Variants in SCN2A observed in about 807,000 individuals in gnomAD.
SCN2A encodes the protein sodium channel protein type 2 subunit alpha.
A neutral mutation model predicts 188.7 loss-of-function variants in SCN2A; 20 were observed. The observed-to-expected ratio is 0.11, with a 90% CI of 0.07 to 0.15. SCN2A has a LOEUF of 0.15. Ranked by LOEUF, SCN2A falls within the 10% of genes least tolerant of loss-of-function variation. The pLI is 1.00. For missense variants in SCN2A, 1,278 were observed against 2,445.0 expected, an observed-to-expected ratio of 0.52 and a Z score of 10.07; for synonymous variants, 804 against 833.1, an observed-to-expected ratio of 0.97 and a Z score of 0.60.
At chr2:165,272,826 A>G (rs540065404) in intron 1 of SCN2A, 39 of 151,768 alleles carry the variant, frequency 2.6e-4, no homozygotes, top group African/African-American at 8.7e-4. Flanking sequence ...CGCTATACGG[A>G]GTGATAATTA....
chr2:165,293,263 G>A (rs1157599439), intron 1 of SCN2A, among the ~76,000 whole-genome samples: 2 of 152,112 alleles, frequency 1.3e-5, no homozygotes, highest in East Asian at 3.9e-4. Context: ...AGGGTTAATT[G>A]CTATTTAATA....
In SCN2A at chr2:165,239,655, T is replaced by C. The variant is rs1234857070; in HGVS notation, c.-52+15T>C. On this transcript the variant is annotated intron_variant, in intron 1 of 26. Transcript: ENST00000375437. ...CTTTATTTCAGGTAAGCCAGCATGA[T>C]TCTATTTTTGACTTATCCACGGATT... The C allele has an allele frequency of 6.1e-6, 6 of 978,058 alleles. No homozygotes were observed. The highest frequency in any genetic ancestry group is 7.3e-6 in the Non-Finnish European group (6 of 823,248). 60.6% of individuals were successfully genotyped at this position (978,058 alleles called of 1,614,324 possible).
At chr2:165,370,002 G>T in intron 19 of SCN2A, 124 bp from the exon 20 acceptor site, 2 of 768,448 alleles carry the variant, frequency 2.6e-6, no homozygotes, top group Non-Finnish European at 4.3e-6. Context: ...ATTCAGCCAT[G>T]GGAAACATTA....
In SCN2A at chr2:165,269,003, G is replaced by A. The variant is rs552189501; in HGVS notation, c.-51-26770G>A. 14 of 152,078 alleles carry A rather than the reference G, an allele frequency of 9.2e-5. 1 individual carries two copies. The highest frequency in any genetic ancestry group is 9.2e-4 in the Admixed American group (14 of 15,236). The allele number at this position is 152,078 out of a possible 1,614,324, so 9.4% of individuals were successfully genotyped here. ...GGGGCTACTGGGTAGGGCTGTAGGG[G>A]TGGAGGAATGGAAAATGTTGGTCAA... On this transcript the variant is annotated intron_variant, in intron 1 of 26. Transcript: ENST00000375437.
chr2:165,327,939 C>G (rs1327578113), intron 13 of SCN2A: 1 of 152,128 alleles, frequency 6.6e-6, no homozygotes, highest in Non-Finnish European at 1.5e-5. Context: ...CTCCCTATCT[C>G]TTTACAAACC....
At chr2:165,291,035 CTTT>C (rs55979694) in intron 1 of SCN2A, among the ~76,000 whole-genome samples, 11 of 79,944 alleles carry the variant, frequency 1.4e-4, no homozygotes, top group Admixed American at 5.7e-4. Flanking sequence ...TCTTTTCTTT[CTTT>C]TTTTTTTTTT....
chr2:165,370,109 A>T lies in SCN2A; in HGVS notation c.3676-17A>T, dbSNP rs1404708966. ...TGTTTCTGATCATAAAATTTAATAG[A>T]ATTTTTTGACTTACAGGCCTTTGAA... On this transcript the variant is annotated splice_polypyrimidine_tract_variant and intron_variant, in intron 19 of 26. Transcript: ENST00000375437. 1 of 1,609,920 alleles carries T rather than the reference A, an allele frequency of 6.2e-7. No homozygotes were observed. Among genetic ancestry groups the T allele is most frequent in the East Asian group, 2.2e-5 (1 of 44,836 alleles).
At chr2:165,342,224 A>T in intron 14 of SCN2A, 72 bp from the exon 15 acceptor site, 1 of 1,424,010 alleles carries the variant, frequency 7.0e-7, no homozygotes, top group Non-Finnish European at 9.9e-7. Flanking sequence ...GTTGGGAGTA[A>T]ATTAAGTTGC....
intron 16 of SCN2A, among the ~76,000 whole-genome samples, chr2:165,347,055 C>T (rs1257791054): frequency 6.6e-6 from 1 of 152,070 alleles, no homozygotes; most frequent in Non-Finnish European, 1.5e-5. Context: ...GGATCTAGAA[C>T]CAGAAATACC....
At chr2:165,258,052 A>G (rs946200321) in intron 1 of SCN2A, among the ~76,000 whole-genome samples, 5 of 152,074 alleles carry the variant, frequency 3.3e-5, no homozygotes, top group African/African-American at 1.2e-4. Context: ...AATTACTGAT[A>G]GATTCTGGAT....
At chr2:165,262,183 AAC>A (rs1461376754) in intron 1 of SCN2A, among the ~76,000 whole-genome samples, 2 of 128,572 alleles carry the variant, frequency 1.6e-5, no homozygotes, top group African/African-American at 3.2e-5. Flanking sequence ...TACACAGGTA[AAC>A]ATGTGTGATG....
chr2:165,378,990 G>T (rs979188505), intron 23 of SCN2A, among the ~76,000 whole-genome samples: 4 of 151,592 alleles, frequency 2.6e-5, no homozygotes, highest in African/African-American at 7.3e-5. Flanking sequence ...AAGAACACTC[G>T]TACAATGCTG....
chr2:165,367,076 T>C (rs1700767372), intron 18 of SCN2A, 141 bp from the exon 19 acceptor site: 1 of 772,924 alleles, frequency 1.3e-6, no homozygotes. Flanking sequence ...TAAGATAGCT[T>C]TTGTAAGCGG....
At position 165,293,843 on chromosome 2, in the gene SCN2A, CAT is replaced by C. The variant is rs1696342593; in HGVS notation, c.-51-1927_-51-1926del. On this transcript the variant is annotated intron_variant, in intron 1 of 26. Transcript: ENST00000375437. ...ACTGAGAGCTTTGGGCTGCTTCAGACATATGTCTGTGTGTACGCTGTGAAGGT... is the reference window on the plus strand; with the variant it reads ...ACTGAGAGCTTTGGGCTGCTTCAGACATGTCTGTGTGTACGCTGTGAAGGT... 8 of 984,768 alleles carry C rather than the reference CAT, an allele frequency of 8.1e-6. No individual in the cohort carries two copies. The South Asian group carries it at 2.8e-4, about 35-fold the overall frequency. 61.0% of individuals were successfully genotyped at this position (984,768 alleles called of 1,614,324 possible).
At chr2:165,306,504 T>TTGTGTG (rs10524719) in intron 3 of SCN2A, among the ~76,000 whole-genome samples, 5 of 147,328 alleles carry the variant, frequency 3.4e-5, no homozygotes, top group South Asian at 2.2e-4. Context: ...AAATGGTATT[T>TTGTGTG]TGTGTGTGTG....
chr2:165,291,814 A>G (rs61051952), intron 1 of SCN2A, among the ~76,000 whole-genome samples: 35,503 of 151,498 alleles, frequency 0.23, 4,452 homozygotes, highest in East Asian at 0.36. Flanking sequence ...TAGGTTTCAA[A>G]TGAGGACTCT....
intron 3 of SCN2A, among the ~76,000 whole-genome samples, chr2:165,300,796 G>C (rs183070783): frequency 2.4e-4 from 37 of 152,222 alleles, no homozygotes; most frequent in African/African-American, 8.2e-4. Flanking sequence ...CATTTACTCT[G>C]AATGAGACTC....
At chr2:165,372,531 G>A (rs531862332) in intron 20 of SCN2A, 18 of 151,924 alleles carry the variant, frequency 1.2e-4, no homozygotes, top group Middle Eastern at 3.4e-3. Context: ...TCCCCCGACC[G>A]TTTTTCTTTT....
chr2:165,317,116 A>AT (rs1315984442), intron 11 of SCN2A, among the ~76,000 whole-genome samples: 1 of 152,126 alleles, frequency 6.6e-6, no homozygotes, highest in Non-Finnish European at 1.5e-5. Context: ...ATATATATAA[A>AT]TTTTTTTAGG....
Sources: gnomAD v4.1 joint callset for allele counts (sites outside exome capture counted in the v4.1 genomes callset) on GRCh38, gnomAD v4.1.1 for gene constraint, MANE v1.5 for transcripts, NCBI Gene and HGNC (gene_info 2026-07-23, HGNC 2026-07-21) for gene names.